Variants in RBMS3 observed in about 807,000 individuals in gnomAD.
The protein encoded by RBMS3 is RNA-binding motif, single-stranded-interacting protein 3.
RBMS3 carries 27 observed loss-of-function variants against 66.8 expected under a neutral mutation model. That is an observed-to-expected ratio of 0.40 (90% CI 0.30 to 0.56). The LOEUF is 0.56. RBMS3 is among the 20% of genes least tolerant of loss of function. The probability of loss-of-function intolerance (pLI) is 0.40; values close to 1 mark genes in which losing one functional copy is unlikely to be tolerated. For synonymous variants in RBMS3, 188 were observed against 183.0 expected, an observed-to-expected ratio of 1.03 and a Z score of -0.22; for missense variants, 513 against 549.5, an observed-to-expected ratio of 0.93 and a Z score of 0.66.
chr3:29,429,072 A>G (rs1336510137), intron 1 of RBMS3, among the ~76,000 whole-genome samples: 1 of 152,126 alleles, frequency 6.6e-6, no homozygotes, highest in Non-Finnish European at 1.5e-5. Context: ...TAAGAGCTAA[A>G]GTTCTGCAGT....
chr3:29,960,512 A>G (rs1696355358), intron 12 of RBMS3, among the ~76,000 whole-genome samples: 1 of 152,188 alleles, frequency 6.6e-6, no homozygotes, highest in Non-Finnish European at 1.5e-5. Context: ...TCACAGCTCC[A>G]GTAGGCAGTG....
chr3:29,997,479 A>C (rs1315791122), intron 14 of RBMS3, among the ~76,000 whole-genome samples: 1 of 147,694 alleles, frequency 6.8e-6, no homozygotes, highest in Non-Finnish European at 1.5e-5. Context: ...AGAGAATTTG[A>C]GACCGATATC....
intron 4 of RBMS3, among the ~76,000 whole-genome samples, chr3:29,694,224 T>A (rs994248303): frequency 6.6e-6 from 1 of 152,198 alleles, no homozygotes. Flanking sequence ...TATCTGTTTT[T>A]CATTACATTT....
In RBMS3 at chr3:29,389,720, A is replaced by G. The variant is rs2039192139; in HGVS notation, c.76-45023A>G. Among the ~76,000 whole-genome samples the G allele has an allele frequency of 1.3e-5, 2 of 152,208 alleles. 1 individual carries two copies. The highest frequency in any genetic ancestry group is 1.3e-4 in the Admixed American group (2 of 15,288). ...GGGACTAGGGAAGTGGGCCCCAAAT[A>G]AAACAATAGCAATAATCCCCAGACT... is the stretch of plus-strand genomic sequence containing the variant. On this transcript the variant is annotated intron_variant, in intron 1 of 14. Transcript: ENST00000383767.
At chr3:29,401,095 C>T (rs1268164138) in intron 1 of RBMS3, among the ~76,000 whole-genome samples, 2 of 151,978 alleles carry the variant, frequency 1.3e-5, no homozygotes, top group East Asian at 3.9e-4. Flanking sequence ...TTGATTTTAA[C>T]TGCTGGTGTC....
intron 1 of RBMS3, among the ~76,000 whole-genome samples, chr3:29,393,318 G>A (rs2039396023): frequency 6.6e-6 from 1 of 152,148 alleles, no homozygotes; most frequent in Non-Finnish European, 1.5e-5. Flanking sequence ...ACAGCATAAT[G>A]TATTAAAGAA....
rs191791147 is a variant in RBMS3 at position 29,635,166 on chromosome 3, A to T, written c.399+47961A>T. 2.1e-3 allele frequency among the ~76,000 whole-genome samples: 322 copies of T among 151,756 alleles called. 2 individuals carry two copies. The highest frequency in any genetic ancestry group is 7.4e-3 in the African/African-American group (305 of 41,404). ...TTTATATATTATATATATGCCACAG[A>T]CTCCCAATACTTATATTTCCATATC... On this transcript the variant is annotated intron_variant, in intron 4 of 14. Coordinates refer to ENST00000383767, the MANE Select transcript of RBMS3 (RefSeq NM_001003793.3).
At chr3:29,560,575 G>T (rs2046514251) in intron 3 of RBMS3, among the ~76,000 whole-genome samples, 1 of 152,190 alleles carries the variant, frequency 6.6e-6, no homozygotes, top group South Asian at 2.1e-4. Context: ...GTTGCAAAAT[G>T]CTTCTCCCGC....
intron 1 of RBMS3, among the ~76,000 whole-genome samples, chr3:29,368,504 G>T (rs890537537): frequency 2.6e-5 from 4 of 151,742 alleles, no homozygotes; most frequent in Non-Finnish European, 5.9e-5. Flanking sequence ...ATTCTAAAAG[G>T]CTTCAATCTG....
At chr3:29,467,863 G>T (rs1477459879) in intron 2 of RBMS3, among the ~76,000 whole-genome samples, 1 of 152,014 alleles carries the variant, frequency 6.6e-6, no homozygotes, top group Admixed American at 6.6e-5. Context: ...GAATACAATG[G>T]AAATACAAAG....
chr3:29,537,927 A>G (rs1050233859), intron 3 of RBMS3, among the ~76,000 whole-genome samples: 23 of 152,072 alleles, frequency 1.5e-4, no homozygotes, highest in African/African-American at 5.6e-4. Flanking sequence ...TGAACTACTA[A>G]TACAATATAC....
In RBMS3 at chr3:29,444,531, C is replaced by A. The variant is rs139103452; in HGVS notation, c.248+9616C>A. ...GAACAATCAGTATGGTAAAGGACAA[C>A]CAGGAGTGCAGGAGTGTGCTATACC... On this transcript the variant is annotated intron_variant, in intron 2 of 14. Transcript: ENST00000383767. 5.3e-3 allele frequency among the ~76,000 whole-genome samples: 807 copies of A among 152,024 alleles called. 2 individuals carry two copies. The highest frequency in any genetic ancestry group is 0.017 in the African/African-American group (697 of 41,510).
rs568478634 is a variant in RBMS3, at chr3:29,996,086, A to C, written c.1307+4877A>C. Among the ~76,000 whole-genome samples, 816 of 152,140 alleles carry C rather than the reference A, an allele frequency of 5.4e-3. 5 individuals carry two copies. Among genetic ancestry groups the C allele is most frequent in the African/African-American group, 0.019 (777 of 41,488 alleles). ...GGATGGAAGAAGATCTACCAAGCCA[A>C]TGGAAAACAAAAAAAGGCAGGGGTT... On this transcript the variant is annotated intron_variant, in intron 14 of 14. Coordinates refer to ENST00000383767, the MANE Select transcript of RBMS3 (RefSeq NM_001003793.3).
chr3:29,928,211 T>TATATACACAC (rs1291440563), intron 10 of RBMS3, among the ~76,000 whole-genome samples: 15 of 93,488 alleles, frequency 1.6e-4, no homozygotes, highest in African/African-American at 5.1e-4. Flanking sequence ...TATATATATA[T>TATATACACAC]ACACACACAC....
chr3:29,868,497 G>T (rs879362042), intron 6 of RBMS3, among the ~76,000 whole-genome samples: 2 of 152,108 alleles, frequency 1.3e-5, no homozygotes, highest in East Asian at 1.9e-4. Context: ...GTGCAAACAC[G>T]GTTGCTTTGA....
At chr3:29,752,573 G>T (rs939899932) in intron 5 of RBMS3, among the ~76,000 whole-genome samples, 2 of 152,108 alleles carry the variant, frequency 1.3e-5, no homozygotes, top group Non-Finnish European at 2.9e-5. Flanking sequence ...TTAATTGGAG[G>T]TTCTTCATAT....
intron 13 of RBMS3, among the ~76,000 whole-genome samples, chr3:29,990,460 C>CAAAAAAAAAAAAAAAAAAAAAAAAAA (rs10596526): frequency 9.4e-6 from 1 of 106,514 alleles, no homozygotes; most frequent in African/African-American, 3.6e-5. Flanking sequence ...CTGTGAGAAA[C>CAAAAAAAAAAAAAAAAAAAAAAAAAA]AAAAAAAAAA....
At chr3:29,995,833 T>G (rs1421282426) in intron 14 of RBMS3, among the ~76,000 whole-genome samples, 2 of 151,984 alleles carry the variant, frequency 1.3e-5, no homozygotes, top group African/African-American at 4.8e-5. Flanking sequence ...GTAAAGACCA[T>G]CAAGACTAGG....
chr3:29,702,637 A>G (rs1349038039), intron 4 of RBMS3, among the ~76,000 whole-genome samples: 1 of 152,144 alleles, frequency 6.6e-6, no homozygotes. Context: ...CAAACCCACC[A>G]GGAGGAATGA....
Sources: gnomAD v4.1 joint callset for allele counts (sites outside exome capture counted in the v4.1 genomes callset) on GRCh38, gnomAD v4.1.1 for gene constraint, MANE v1.5 for transcripts, NCBI Gene and HGNC (gene_info 2026-07-23, HGNC 2026-07-21) for gene names.